RBFOX1: variants seen among roughly 807,000 people sequenced by gnomAD.
RBFOX1 encodes the protein RNA binding fox-1 homolog 1, also known as RNA binding protein fox-1 homolog 1.
A neutral mutation model predicts 57.7 loss-of-function variants in RBFOX1; 8 were observed. That is an observed-to-expected ratio of 0.14 (90% CI 0.08 to 0.25). The LOEUF (loss-of-function observed/expected upper bound fraction) is 0.25. RBFOX1 is among the 10% of genes least tolerant of loss of function. The pLI is 1.00. For missense variants in RBFOX1, 611 were observed against 548.5 expected (o/e 1.11, Z -1.14); for synonymous variants, 326 against 222.4 (o/e 1.47, Z -4.15).
chr16:6,520,408 T>C (rs748068638), intron 2 of RBFOX1, among the ~76,000 whole-genome samples: 1 of 152,196 alleles, frequency 6.6e-6, no homozygotes, highest in Non-Finnish European at 1.5e-5. Flanking sequence ...TTACATAGAC[T>C]ATAAAATCCT....
At chr16:5,907,730 CAT>C in intron 4 of RBFOX1, among the ~76,000 whole-genome samples, 1 of 147,894 alleles carries the variant, frequency 6.8e-6, no homozygotes, top group Non-Finnish European at 1.5e-5. Flanking sequence ...TTATCATCAT[CAT>C]CATCATCATC....
At chr16:5,281,355 T>C (rs1412454941) in intron 1 of RBFOX1, among the ~76,000 whole-genome samples, 1 of 152,228 alleles carries the variant, frequency 6.6e-6, no homozygotes, top group Non-Finnish European at 1.5e-5. Context: ...ATATGGTCTA[T>C]CCTGGAGAAT....
chr16:6,516,053 A>G (rs183553520), intron 2 of RBFOX1, among the ~76,000 whole-genome samples: 72 of 152,056 alleles, frequency 4.7e-4, no homozygotes, highest in African/African-American at 1.0e-3. Context: ...TCCCAGAGCA[A>G]TGGTACACTC....
intron 4 of RBFOX1, among the ~76,000 whole-genome samples, chr16:7,132,455 CACACACA>C (rs2070752277): frequency 7.2e-6 from 1 of 139,442 alleles, no homozygotes; most frequent in Non-Finnish European, 1.5e-5. Flanking sequence ...CACACACACA[CACACACA>C]CACACACACA....
At chr16:5,822,300 A>T (rs1220226581) in intron 3 of RBFOX1, among the ~76,000 whole-genome samples, 1 of 152,194 alleles carries the variant, frequency 6.6e-6, no homozygotes, top group African/African-American at 2.4e-5. Flanking sequence ...GGAGAGGGGC[A>T]AGGGATAAAA....
intron 2 of RBFOX1, among the ~76,000 whole-genome samples, chr16:5,539,880 G>C (rs1207811031): frequency 6.6e-6 from 1 of 152,194 alleles, no homozygotes; most frequent in Non-Finnish European, 1.5e-5. Context: ...CACAAATGAA[G>C]TAGGAATTTA....
At position 6,447,369 on chromosome 16, in the gene RBFOX1, T is replaced by A. The variant is rs117520919; in HGVS notation, c.-64+130312T>A. On this transcript the variant is annotated intron_variant, in intron 2 of 15. Coordinates refer to ENST00000550418, the MANE Select transcript of RBFOX1 (RefSeq NM_018723.4). ...AGATCCCTCAAGACCAACAATTACA[T>A]ACCTGTTTGAAGCTAATTGGACTAT... Among the ~76,000 whole-genome samples, 121 of 152,336 alleles carry A rather than the reference T, an allele frequency of 7.9e-4. 2 individuals are homozygous for A. The East Asian group carries it at 0.018, about 22-fold the overall frequency.
chr16:6,887,809 C>G (rs561362791), intron 3 of RBFOX1, among the ~76,000 whole-genome samples: 1 of 151,970 alleles, frequency 6.6e-6, no homozygotes, highest in African/African-American at 2.4e-5. Context: ...TTTACAGGCA[C>G]TCGTCACCAC....
intron 2 of RBFOX1, among the ~76,000 whole-genome samples, chr16:6,590,212 G>C (rs1360383273): frequency 1.3e-5 from 2 of 152,122 alleles, no homozygotes; most frequent in Admixed American, 1.3e-4. Flanking sequence ...AATTTCAAGA[G>C]CTATTACTTT....
intron 2 of RBFOX1, among the ~76,000 whole-genome samples, chr16:6,613,435 C>T (rs1020736044): frequency 6.6e-6 from 1 of 152,134 alleles, no homozygotes; most frequent in East Asian, 1.9e-4. Context: ...GTGTTTAGTA[C>T]GTGAAACCCT....
intron 1 of RBFOX1, among the ~76,000 whole-genome samples, chr16:5,321,943 C>T (rs986469756): frequency 6.6e-6 from 1 of 152,112 alleles, no homozygotes; most frequent in Non-Finnish European, 1.5e-5. Context: ...TCTTGCTACC[C>T]TGATGTGTCC....
At chr16:6,757,839 G>C (rs1428696872) in intron 3 of RBFOX1, among the ~76,000 whole-genome samples, 1 of 152,126 alleles carries the variant, frequency 6.6e-6, no homozygotes, top group Non-Finnish European at 1.5e-5. Flanking sequence ...TTGAGGTGAT[G>C]GATACCCCCA....
intron 4 of RBFOX1, among the ~76,000 whole-genome samples, chr16:7,496,747 G>GAAAAAAAAAAAAAAAAAAAAAAA (rs71150303): frequency 7.8e-6 from 1 of 127,504 alleles, no homozygotes; most frequent in African/African-American, 2.9e-5. Flanking sequence ...CTACAGAACA[G>GAAAAAAAAAAAAAAAAAAAAAAA]AAAAAAAAAA....
chr16:5,394,785 G>A (rs769593923), intron 1 of RBFOX1, among the ~76,000 whole-genome samples: 2 of 152,078 alleles, frequency 1.3e-5, no homozygotes, highest in Non-Finnish European at 2.9e-5. Context: ...CCGGTCTCAC[G>A]CAGTCTGCCC....
intron 3 of RBFOX1, among the ~76,000 whole-genome samples, chr16:7,031,600 A>T (rs1401954015): frequency 9.1e-6 from 1 of 110,412 alleles, no homozygotes; most frequent in Non-Finnish European, 1.6e-5. Flanking sequence ...GACCCTGCCT[A>T]AAAAAAAAAG....
At chr16:6,736,195 C>G (rs546467399) in intron 3 of RBFOX1, among the ~76,000 whole-genome samples, 2 of 151,780 alleles carry the variant, frequency 1.3e-5, no homozygotes, top group African/African-American at 4.8e-5. Flanking sequence ...TTTATTTTTC[C>G]ATAAGTTATT....
Position 6,531,003 on chromosome 16 carries a change from C to T in RBFOX1, c.-63-123600C>T, listed in dbSNP as rs143325385. On this transcript the variant is annotated intron_variant, in intron 2 of 15. Transcript: ENST00000550418. ...CCTGGTGTCTGTTCCAACCATGCAT[C>T]GCACAGGCCATTGTCCCCCACCTTG... is the stretch of plus-strand genomic sequence containing the variant. Among the ~76,000 whole-genome samples the T allele has an allele frequency of 3.7e-3, 570 of 152,258 alleles. 6 individuals carry two copies. Among genetic ancestry groups the T allele is most frequent in the African/African-American group, 0.013 (532 of 41,552 alleles).
chr16:5,340,548 A>C lies in RBFOX1; in HGVS notation c.219+100443A>C, dbSNP rs115662331. Among the ~76,000 whole-genome samples the C allele has an allele frequency of 7.9e-3, 1,201 of 152,296 alleles. 18 individuals are homozygous for C. Among genetic ancestry groups the C allele is most frequent in the African/African-American group, 0.027 (1,142 of 41,554 alleles). ...AGAAGTTTTTGGTAACAGTTAAAGA[A>C]CACATTCATGGAGCATTTAGTTTTT... On this transcript the variant is annotated intron_variant, in intron 1 of 2. Coordinates refer to the RBFOX1 transcript ENST00000585867.
chr16:6,882,551 G>A (rs1036681230), intron 3 of RBFOX1, among the ~76,000 whole-genome samples: 7 of 151,978 alleles, frequency 4.6e-5, no homozygotes, highest in Admixed American at 2.6e-4. Context: ...AGCTGAGATC[G>A]CACCACTGCA....
Sources: gnomAD v4.1 joint callset for allele counts (sites outside exome capture counted in the v4.1 genomes callset) on GRCh38, gnomAD v4.1.1 for gene constraint, MANE v1.5 for transcripts, NCBI Gene and HGNC (gene_info 2026-07-23, HGNC 2026-07-21) for gene names.